SAMD5: variants seen among roughly 807,000 people sequenced by gnomAD.
SAMD5 encodes the protein sterile alpha motif domain containing 5.
A neutral mutation model predicts 11.3 loss-of-function variants in SAMD5; 13 were observed. That is an observed-to-expected ratio of 1.15 (90% CI 0.75 to 1.83). The LOEUF is 1.83. Among genes scored for constraint, SAMD5 ranks in the 40% most tolerant of loss-of-function variants. The pLI, the probability that SAMD5 is intolerant of heterozygous loss-of-function variation, is 0.00. For missense variants in SAMD5, 255 were observed against 239.1 expected (o/e 1.07, Z -0.44); for synonymous variants, 129 against 111.3 (o/e 1.16, Z -1.00).
At chr6:147,904,079 G>A in the SAMD5 span, among the ~76,000 whole-genome samples, 2 of 152,162 alleles carry the variant, frequency 1.3e-5, no homozygotes, top group African/African-American at 4.8e-5. Context: ...GCTTCCAGGA[G>A]AAGCCTCTTA....
In SAMD5 at chr6:147,679,671, C is replaced by T. The variant is rs567564378; in HGVS notation, c.163-57646C>T. On this transcript the variant is annotated intron_variant, in intron 1 of 1. Coordinates refer to the SAMD5 transcript ENST00000566741. The stretch of plus-strand genomic sequence containing the variant: ...TTTAAATGTTGATAAAGTCCAATGT[C>T]TCTTTCTTTTCTTTGATCATCATTT... Among the ~76,000 whole-genome samples the T allele has an allele frequency of 2.0e-5, 3 of 152,014 alleles. No homozygotes were observed. In the South Asian group the frequency reaches 6.2e-4, roughly 32 times the overall value.
At chr6:147,515,785 T>G (rs564005840) in intron 1 of SAMD5, among the ~76,000 whole-genome samples, 45 of 152,300 alleles carry the variant, frequency 3.0e-4, no homozygotes, top group African/African-American at 1.1e-3. Context: ...ATGTTATTTC[T>G]GCAAACATGA....
At chr6:147,545,220 A>C (rs1407654769) in intron 1 of SAMD5, among the ~76,000 whole-genome samples, 3 of 152,228 alleles carry the variant, frequency 2.0e-5, no homozygotes, top group Non-Finnish European at 4.4e-5. Context: ...ACATTAGAGG[A>C]CTGTAAAATT....
In SAMD5 at chr6:147,509,087, C is replaced by G; in HGVS notation, c.159C>G (p.Arg53=). ...GGGTGCTGGCGCCCGCGCACCGCCG[C>G]CGTATCCTGGAGGCCGTGCGCCGGC... ...AIGVLAPAHR[R]RILEAVRRLR... is the part of the protein sequence containing the mutation. Residue 53 remains arginine (R), a synonymous_variant, in exon 1 of 2, where the codon CGC becomes CGG. Transcript: ENST00000367474. 4 of 1,600,360 alleles carry G rather than the reference C, an allele frequency of 2.5e-6. No homozygotes were observed. The highest frequency in any genetic ancestry group is 3.4e-6 in the Non-Finnish European group (4 of 1,174,716).
the SAMD5 span, among the ~76,000 whole-genome samples, chr6:147,855,423 G>A: frequency 2.0e-5 from 3 of 152,162 alleles, no homozygotes; most frequent in African/African-American, 7.2e-5. Context: ...TTTCCAGAAA[G>A]CAGAATTATG....
intron 1 of SAMD5, among the ~76,000 whole-genome samples, chr6:147,689,909 A>G (rs536302771): frequency 4.6e-5 from 7 of 152,206 alleles, no homozygotes; most frequent in African/African-American, 1.7e-4. Context: ...AAATTAATGT[A>G]TAAAGAGTGC....
chr6:147,540,948 T>G (rs557751710), intron 1 of SAMD5, among the ~76,000 whole-genome samples: 10 of 141,222 alleles, frequency 7.1e-5, no homozygotes, highest in African/African-American at 1.9e-4. Context: ...TTTTTTTTTT[T>G]TTTTTTTTTT....
the SAMD5 span, among the ~76,000 whole-genome samples, chr6:147,856,384 A>G: frequency 6.6e-6 from 1 of 152,198 alleles, no homozygotes; most frequent in Non-Finnish European, 1.5e-5. Flanking sequence ...CACTAATTTC[A>G]TGGACATGTA....
chr6:147,910,256 C>A, the SAMD5 span, among the ~76,000 whole-genome samples: 1 of 152,078 alleles, frequency 6.6e-6, no homozygotes, highest in Admixed American at 6.5e-5. Flanking sequence ...TCATTGCCTA[C>A]CCACCCCCAG....
chr6:147,867,288 T>G, the SAMD5 span, among the ~76,000 whole-genome samples: 6 of 151,546 alleles, frequency 4.0e-5, no homozygotes, highest in African/African-American at 1.5e-4. Context: ...GGTTTTTTTT[T>G]TTTTTTTTTT....
intron 1 of SAMD5, among the ~76,000 whole-genome samples, chr6:147,676,686 A>T (rs9322104): frequency 0.081 from 12,314 of 152,154 alleles, 674 homozygotes; most frequent in African/African-American, 0.15. Context: ...TCATCCTAAG[A>T]CAGCTGAGAA....
intron 1 of SAMD5, among the ~76,000 whole-genome samples, chr6:147,696,514 C>G (rs956684669): frequency 6.6e-6 from 1 of 152,156 alleles, no homozygotes; most frequent in African/African-American, 2.4e-5. Flanking sequence ...GTCTGGCACC[C>G]CTGTTACCCG....
chr6:147,620,377 A>T (rs1789941444), intron 1 of SAMD5, among the ~76,000 whole-genome samples: 2 of 152,174 alleles, frequency 1.3e-5, no homozygotes, highest in African/African-American at 2.4e-5. Flanking sequence ...TTCTCTATTT[A>T]GCGCTGCTCT....
the SAMD5 span, among the ~76,000 whole-genome samples, chr6:147,777,636 A>C: frequency 0.028 from 4,229 of 152,302 alleles, 162 homozygotes; most frequent in African/African-American, 0.076. Context: ...AAAACTTTTT[A>C]TCACCTAAAA....
At chr6:147,673,434 T>C (rs1000229187) in intron 1 of SAMD5, among the ~76,000 whole-genome samples, 1 of 152,116 alleles carries the variant, frequency 6.6e-6, no homozygotes, top group Non-Finnish European at 1.5e-5. Flanking sequence ...AGGATGGTCT[T>C]GATCGCCTGA....
intron 1 of SAMD5, among the ~76,000 whole-genome samples, chr6:147,591,999 CAG>C (rs1293567058): frequency 1.3e-5 from 2 of 152,032 alleles, no homozygotes; most frequent in African/African-American, 4.8e-5. Context: ...AAAAACAGAT[CAG>C]AGTTAGTGCT....
chr6:147,616,340 T>C (rs935831385), intron 1 of SAMD5, among the ~76,000 whole-genome samples: 1 of 149,310 alleles, frequency 6.7e-6, no homozygotes, highest in African/African-American at 2.5e-5. Flanking sequence ...ATATATTTCA[T>C]ATAATGAAAT....
chr6:147,655,036 T>C (rs1187913715), intron 1 of SAMD5, among the ~76,000 whole-genome samples: 1 of 152,152 alleles, frequency 6.6e-6, no homozygotes, highest in Admixed American at 6.5e-5. Flanking sequence ...CTAGCAATTT[T>C]ACTTCTGAAC....
intron 1 of SAMD5, among the ~76,000 whole-genome samples, chr6:147,636,730 A>C (rs1790235544): frequency 6.6e-6 from 1 of 152,120 alleles, no homozygotes. Flanking sequence ...TCTACACCTA[A>C]TAATCCTTAT....
Sources: gnomAD v4.1 joint callset for allele counts (sites outside exome capture counted in the v4.1 genomes callset) on GRCh38, gnomAD v4.1.1 for gene constraint, MANE v1.5 for transcripts, NCBI Gene and HGNC (gene_info 2026-07-23, HGNC 2026-07-21) for gene names.